The following GDAP1L1 variants were observed in gnomAD, a reference collection of about 807,000 sequenced individuals.
The protein encoded by GDAP1L1 is ganglioside-induced differentiation-associated protein 1-like 1.
GDAP1L1 carries 21 observed loss-of-function variants against 37.1 expected under a neutral mutation model. The ratio of observed to expected loss-of-function variants is 0.57; its 90% CI spans 0.40 to 0.81. GDAP1L1 has a LOEUF of 0.81. GDAP1L1 is among the 40% of genes least tolerant of loss of function. The pLI, the probability that GDAP1L1 is intolerant of heterozygous loss-of-function variation, is 0.00. For missense variants in GDAP1L1, 362 were observed against 491.6 expected, an observed-to-expected ratio of 0.74 and a Z score of 2.49; for synonymous variants, 193 against 209.1, an observed-to-expected ratio of 0.92 and a Z score of 0.67.
intron 5 of GDAP1L1, among the ~76,000 whole-genome samples, chr20:44,267,243 G>T (rs111408159): frequency 6.6e-6 from 1 of 152,158 alleles, no homozygotes; most frequent in Non-Finnish European, 1.5e-5. Flanking sequence ...TAATATCAGC[G>T]ATCCTGTTTA....
intron 1 of GDAP1L1, among the ~76,000 whole-genome samples, chr20:44,255,541 C>CAAAAAAAAA (rs60318296): frequency 2.2e-5 from 1 of 45,778 alleles, no homozygotes; most frequent in African/African-American, 9.9e-5. Context: ...GACTCTGTCT[C>CAAAAAAAAA]AAAAAAAAAA....
intron 5 of GDAP1L1, among the ~76,000 whole-genome samples, chr20:44,266,045 A>G (rs1252194381): frequency 6.6e-6 from 1 of 152,254 alleles, no homozygotes; most frequent in Admixed American, 6.5e-5. Context: ...ACAATGGCTC[A>G]CGCCTGTAAT....
chr20:44,276,623 T>G (rs993284499), intron 5 of GDAP1L1, among the ~76,000 whole-genome samples: 2 of 152,214 alleles, frequency 1.3e-5, no homozygotes, highest in Admixed American at 1.3e-4. Flanking sequence ...AGATAGTTTA[T>G]AGTGAATCAT....
chr20:44,257,717 G>A (rs1568649557), intron 2 of GDAP1L1, among the ~76,000 whole-genome samples: 1 of 152,106 alleles, frequency 6.6e-6, no homozygotes, highest in Admixed American at 6.5e-5. Flanking sequence ...CCCACAGACA[G>A]GGTCCAGATC....
chr20:44,251,314 C>G (rs184889196), intron 1 of GDAP1L1, among the ~76,000 whole-genome samples: 66 of 152,306 alleles, frequency 4.3e-4, no homozygotes, highest in Admixed American at 1.7e-3. Context: ...CTCCCTGCAG[C>G]AAGCCTGGTT....
chr20:44,258,478 G>C lies in GDAP1L1; in HGVS notation c.418G>C (p.Ala140Pro). Residue 140 changes from alanine (A) to proline (P), a missense_variant, in exon 3 of 6, where the codon GCA (alanine) becomes CCA (proline). Around this residue, in one of 2 missense-constraint regions of GDAP1L1, gnomAD observed 277 missense variants for 337.1 expected, o/e 0.82. Transcript: ENST00000342560. ...LMPEVGSLQHARVLQYRELLD... is the reference protein window; with the variant it reads ...LMPEVGSLQHPRVLQYRELLD... ...GCCCGAGGTGGGCAGCCTGCAGCAC[G>C]CACGGGTGCTGCAGTACCGGGAGCT... The C allele has an allele frequency of 6.4e-7, 1 of 1,552,442 alleles. No homozygotes were observed. Among genetic ancestry groups the C allele is most frequent in the South Asian group, 1.2e-5 (1 of 84,400 alleles).
rs185395564 is a variant in GDAP1L1, at chr20:44,278,604, C to T, written c.761-353C>T. The stretch of plus-strand genomic sequence containing the variant: ...CCATAGTGGCCAGGCTGGTCTTGAA[C>T]TCCTGACCTCAAATGATCTGCTCAC... On this transcript the variant is annotated intron_variant, in intron 5 of 5. Transcript: ENST00000342560. Among the ~76,000 whole-genome samples, 244 of 152,246 alleles carry T rather than the reference C, an allele frequency of 1.6e-3. 1 individual carries two copies. The highest frequency in any genetic ancestry group is 5.7e-3 in the African/African-American group (237 of 41,536).
At chr20:44,276,852 C>T (rs938742356) in intron 5 of GDAP1L1, among the ~76,000 whole-genome samples, 1 of 152,042 alleles carries the variant, frequency 6.6e-6, no homozygotes, top group Non-Finnish European at 1.5e-5. Context: ...TGCAATGTGG[C>T]GCTGTGTTCT....
intron 4 of GDAP1L1, 81 bp downstream of exon 4, chr20:44,263,408 G>A: frequency 1.0e-6 from 1 of 962,864 alleles, no homozygotes; most frequent in Non-Finnish European, 1.7e-6. Context: ...CTAAGTAGAA[G>A]ATCAGCTGAT....
At chr20:44,248,912 A>G (rs1440029093) in intron 1 of GDAP1L1, among the ~76,000 whole-genome samples, 4 of 152,206 alleles carry the variant, frequency 2.6e-5, no homozygotes, top group African/African-American at 9.7e-5. Context: ...AATCTGTAAA[A>G]TGGGGTGAAT....
chr20:44,254,119 G>A (rs373452694), intron 1 of GDAP1L1, among the ~76,000 whole-genome samples: 253 of 152,324 alleles, frequency 1.7e-3, no homozygotes, highest in African/African-American at 5.4e-3. Context: ...CACTACTCTG[G>A]GCTTCTCCAG....
intron 1 of GDAP1L1, among the ~76,000 whole-genome samples, chr20:44,247,901 C>G (rs1420116083): frequency 2.0e-5 from 3 of 152,010 alleles, no homozygotes; most frequent in African/African-American, 7.2e-5. Context: ...GGAGAAGAAG[C>G]GCTACTTGGG....
upstream of GDAP1L1, chr20:44,247,258 G>T: frequency 2.8e-6 from 4 of 1,453,336 alleles, no homozygotes; most frequent in Non-Finnish European, 2.9e-6. Flanking sequence ...CAGGCTCGGC[G>T]AGGCCATGTG....
chr20:44,275,340 G>A (rs1002472187), intron 5 of GDAP1L1, among the ~76,000 whole-genome samples: 1 of 152,170 alleles, frequency 6.6e-6, no homozygotes, highest in African/African-American at 2.4e-5. Flanking sequence ...ATACTGCCAG[G>A]TAACCACTTG....
At chr20:44,259,693 T>G (rs2073637970) in intron 3 of GDAP1L1, among the ~76,000 whole-genome samples, 1 of 152,056 alleles carries the variant, frequency 6.6e-6, no homozygotes, top group South Asian at 2.1e-4. Flanking sequence ...GATGAGGTTT[T>G]GCCATATTGC....
At chr20:44,263,753 G>A (rs989284462) in intron 4 of GDAP1L1, among the ~76,000 whole-genome samples, 1 of 152,182 alleles carries the variant, frequency 6.6e-6, no homozygotes, top group Non-Finnish European at 1.5e-5. Context: ...CTGAGGCAAG[G>A]AAATTGCCTG....
At chr20:44,266,424 A>G (rs2073762913) in intron 5 of GDAP1L1, among the ~76,000 whole-genome samples, 1 of 151,248 alleles carries the variant, frequency 6.6e-6, no homozygotes, top group African/African-American at 2.4e-5. Context: ...TAGTTCAGAG[A>G]TGGGCCTTTG....
chr20:44,265,307 C>T (rs2073744637), intron 5 of GDAP1L1: 2 of 985,440 alleles, frequency 2.0e-6, no homozygotes, highest in Non-Finnish European at 1.2e-6. Context: ...ACCCTTCCTA[C>T]ACCACTCCAC....
intron 1 of GDAP1L1, among the ~76,000 whole-genome samples, chr20:44,251,345 C>T (rs917669908): frequency 6.6e-6 from 1 of 152,204 alleles, no homozygotes. Context: ...TTACTGCCTC[C>T]TCTCAGGGTC....
Sources: allele counts gnomAD v4.1 joint callset (sites outside exome capture counted in the v4.1 genomes callset), GRCh38; gene constraint gnomAD v4.1.1; regional missense constraint gnomAD v4.1.1; transcripts MANE v1.5; gene names NCBI Gene and HGNC (gene_info 2026-07-23, HGNC 2026-07-21).